PLEKHA5: variants seen among roughly 807,000 people sequenced by gnomAD.
PLEKHA5 encodes pleckstrin homology domain-containing family A member 5.
PLEKHA5 carries 55 observed loss-of-function variants against 181.9 expected under a neutral mutation model. The ratio of observed to expected loss-of-function variants is 0.30; its 90% CI spans 0.24 to 0.38. The LOEUF (loss-of-function observed/expected upper bound fraction) is 0.38. Among genes scored for constraint, PLEKHA5 ranks in the 10% least tolerant of loss-of-function variants. The pLI, the probability that PLEKHA5 is intolerant of heterozygous loss-of-function variation, is 1.00. For synonymous variants in PLEKHA5, 535 were observed against 529.4 expected, an observed-to-expected ratio of 1.01 and a Z score of -0.15; for missense variants, 1,432 against 1,549.5, an observed-to-expected ratio of 0.92 and a Z score of 1.27.
At chr12:19,316,437 G>GAA (rs60829228) in intron 16 of PLEKHA5, among the ~76,000 whole-genome samples, 3 of 150,262 alleles carry the variant, frequency 2.0e-5, no homozygotes, top group South Asian at 2.1e-4. Flanking sequence ...TGAGGGGGGG[G>GAA]AAAGTGAAGA....
At chr12:19,138,960 T>C (rs1320840076) in intron 3 of PLEKHA5, among the ~76,000 whole-genome samples, 1 of 152,156 alleles carries the variant, frequency 6.6e-6, no homozygotes, top group Admixed American at 6.5e-5. Context: ...GCGTTAATTA[T>C]GCAACATGAA....
At chr12:19,333,605 A>C (rs1452480685) in intron 20 of PLEKHA5, among the ~76,000 whole-genome samples, 2 of 116,142 alleles carry the variant, frequency 1.7e-5, no homozygotes, top group Admixed American at 1.2e-4. Context: ...GAGTTCATTC[A>C]TTCTCTTTTT....
chr12:19,297,400 A>G (rs1184243487), intron 15 of PLEKHA5, among the ~76,000 whole-genome samples: 1 of 151,602 alleles, frequency 6.6e-6, no homozygotes, highest in Non-Finnish European at 1.5e-5. Context: ...AGGCAGGTGG[A>G]TCATGAGGTC....
intron 11 of PLEKHA5, among the ~76,000 whole-genome samples, chr12:19,278,889 CA>C (rs1209601419): frequency 6.6e-6 from 1 of 152,186 alleles, no homozygotes; most frequent in Non-Finnish European, 1.5e-5. Flanking sequence ...CAATTTTGAA[CA>C]ACCTCTTTTT....
intron 3 of PLEKHA5, among the ~76,000 whole-genome samples, chr12:19,241,850 A>G (rs1195936726): frequency 6.6e-6 from 1 of 152,230 alleles, no homozygotes; most frequent in Non-Finnish European, 1.5e-5. Flanking sequence ...ATGCGCCTGC[A>G]CAGTGGCTGA....
chr12:19,291,808 C>A (rs2078530246), intron 15 of PLEKHA5, 111 bp downstream of exon 15: 5 of 569,564 alleles, frequency 8.8e-6, no homozygotes, highest in African/African-American at 1.9e-5. Context: ...AATAACATGA[C>A]TTTTACAAGT....
intron 23 of PLEKHA5, among the ~76,000 whole-genome samples, chr12:19,346,589 A>G: frequency 6.6e-6 from 1 of 152,174 alleles, no homozygotes; most frequent in East Asian, 1.9e-4. Flanking sequence ...TGAGCTATGT[A>G]TGATCAAATC....
chr12:19,327,161 G>A (rs1413674207), intron 20 of PLEKHA5, among the ~76,000 whole-genome samples: 1 of 151,536 alleles, frequency 6.6e-6, no homozygotes, highest in Non-Finnish European at 1.5e-5. Flanking sequence ...CCAAACTGCT[G>A]TCCATAGTGG....
At chr12:19,205,692 A>G (rs1176420381) in intron 3 of PLEKHA5, among the ~76,000 whole-genome samples, 2 of 152,070 alleles carry the variant, frequency 1.3e-5, no homozygotes, top group Non-Finnish European at 2.9e-5. Flanking sequence ...GTTCTCCACA[A>G]ATTTTCTTGC....
intron 3 of PLEKHA5, 50 bp downstream of exon 3, chr12:19,132,500 T>C: frequency 1.1e-6 from 1 of 905,236 alleles, no homozygotes; most frequent in Non-Finnish European, 1.8e-6. Flanking sequence ...AATGCTGTGA[T>C]TACTCCTCAG....
intron 3 of PLEKHA5, among the ~76,000 whole-genome samples, chr12:19,178,686 G>GATTC (rs1187661298): frequency 6.6e-6 from 1 of 152,176 alleles, no homozygotes; most frequent in Non-Finnish European, 1.5e-5. Flanking sequence ...GCAAAACTGA[G>GATTC]ATTCGGCTCA....
At chr12:19,176,890 A>T (rs2151776963) in intron 3 of PLEKHA5, among the ~76,000 whole-genome samples, 1 of 152,188 alleles carries the variant, frequency 6.6e-6, no homozygotes, top group East Asian at 1.9e-4. Context: ...TTTGAGACAG[A>T]GTCTCACTCT....
chr12:19,138,039 GGGGA>G (rs1202287341), intron 3 of PLEKHA5, among the ~76,000 whole-genome samples: 10 of 152,152 alleles, frequency 6.6e-5, no homozygotes, highest in African/African-American at 2.2e-4. Context: ...ATTTAGGAAG[GGGGA>G]GGAAGTGGTC....
At chr12:19,217,843 A>C (rs1055248476) in intron 3 of PLEKHA5, among the ~76,000 whole-genome samples, 4 of 152,212 alleles carry the variant, frequency 2.6e-5, no homozygotes, top group East Asian at 1.9e-4. Flanking sequence ...CTGAGGGAAG[A>C]AGTGTGCTTT....
Position 19,336,055 on chromosome 12 carries a change from G to A in PLEKHA5, c.2449-460G>A, listed in dbSNP as rs2093404400. ...TTTGGGGGTGATTTTTTTTCCAAAG[G>A]AGAAAAGTACAGATGGATAATAGTG... On this transcript the variant is annotated intron_variant, in intron 20 of 31. Coordinates refer to ENST00000429027, the MANE Select transcript of PLEKHA5 (RefSeq NM_001256470.2). 2.0e-5 allele frequency among the ~76,000 whole-genome samples: 3 copies of A among 152,254 alleles called. No individual in the cohort carries two copies. In the South Asian group the frequency reaches 6.2e-4, roughly 32 times the overall value.
chr12:19,273,770 A>C (rs1361880291), intron 10 of PLEKHA5, among the ~76,000 whole-genome samples: 1 of 152,158 alleles, frequency 6.6e-6, no homozygotes, highest in Non-Finnish European at 1.5e-5. Flanking sequence ...ATTCTAACCC[A>C]AGATTGCTTG....
intron 3 of PLEKHA5, among the ~76,000 whole-genome samples, chr12:19,145,235 C>T (rs2038588795): frequency 6.6e-6 from 1 of 151,932 alleles, no homozygotes; most frequent in South Asian, 2.1e-4. Flanking sequence ...ACTGAACTGT[C>T]GATTTGACCT....
At chr12:19,221,611 G>A (rs971544790) in intron 3 of PLEKHA5, among the ~76,000 whole-genome samples, 14 of 152,160 alleles carry the variant, frequency 9.2e-5, no homozygotes, top group African/African-American at 3.4e-4. Flanking sequence ...AGTAAAACCC[G>A]ACCGTATGCA....
chr12:19,302,906 A>ATTTTTTTTTTT lies in PLEKHA5; in HGVS notation c.2037+11232_2037+11242dup, dbSNP rs34702332. 1.5e-3 allele frequency among the ~76,000 whole-genome samples: 80 copies of ATTTTTTTTTTT among 53,998 alleles called. 9 individuals carry two copies. Among genetic ancestry groups the ATTTTTTTTTTT allele is most frequent in the African/African-American group, 3.6e-3 (48 of 13,310 alleles). The allele number at this position is 53,998 out of a possible 152,430, so 35.4% of individuals were successfully genotyped here. The stretch of plus-strand genomic sequence containing the variant: ...GTTGGACAGCACTGTTCTGTATGAA[A>ATTTTTTTTTTT]TTTTTTTTTTTTTTTTTTTTTTTTT... On this transcript the variant is annotated intron_variant, in intron 15 of 31. Transcript: ENST00000429027.
Sources: allele counts gnomAD v4.1 joint callset (sites outside exome capture counted in the v4.1 genomes callset), GRCh38; gene constraint gnomAD v4.1.1; transcripts MANE v1.5; gene names NCBI Gene and HGNC (gene_info 2026-07-23, HGNC 2026-07-21).